ORC4: variants seen among roughly 807,000 people sequenced by gnomAD.
ORC4 encodes the protein origin recognition complex, subunit 4 homolog.
In ORC4, 55 loss-of-function variants were observed where a neutral mutation model predicts 63.9. The ratio of observed to expected loss-of-function variants is 0.86; its 90% CI spans 0.69 to 1.08. ORC4 has a LOEUF of 1.08. Ranked by LOEUF, ORC4 falls within the 50% of genes least tolerant of loss-of-function variation. The pLI is 0.00. For synonymous variants in ORC4, 150 were observed against 168.5 expected (o/e 0.89, Z 0.85); for missense variants, 511 against 504.4 (o/e 1.01, Z -0.13).
chr2:147,958,583 A>T, intron 5 of ORC4, 200 bp from the exon 6 acceptor site: 1 of 579,626 alleles, frequency 1.7e-6, no homozygotes, highest in Non-Finnish European at 3.0e-6. Flanking sequence ...AAAAAAAAAA[A>T]CCAAAAAACC....
chr2:147,989,581 C>T (rs1212385607), intron 1 of ORC4, among the ~76,000 whole-genome samples: 1 of 152,002 alleles, frequency 6.6e-6, no homozygotes, highest in African/African-American at 2.4e-5. Flanking sequence ...TGGCACGTGC[C>T]TGTAATCCCA....
chr2:147,965,629 T>C (rs1041327944), intron 4 of ORC4, among the ~76,000 whole-genome samples: 1 of 152,112 alleles, frequency 6.6e-6, no homozygotes, highest in Non-Finnish European at 1.5e-5. Flanking sequence ...AATAGGAACT[T>C]CAACACCCTA....
chr2:147,956,739 C>T (rs1300046961), intron 6 of ORC4, among the ~76,000 whole-genome samples: 2 of 151,998 alleles, frequency 1.3e-5, no homozygotes, highest in African/African-American at 2.4e-5. Flanking sequence ...TTTTTGGGTA[C>T]AACTTAAACT....
intron 4 of ORC4, among the ~76,000 whole-genome samples, chr2:147,966,289 T>A (rs1027613537): frequency 1.3e-5 from 2 of 151,660 alleles, no homozygotes; most frequent in African/African-American, 4.8e-5. Context: ...ATAAAGAATC[T>A]AACAATGCAA....
chr2:147,993,718 G>T (rs917651905), intron 1 of ORC4, among the ~76,000 whole-genome samples: 1 of 152,014 alleles, frequency 6.6e-6, no homozygotes, highest in African/African-American at 2.4e-5. Context: ...AAAATTAGGG[G>T]GTTGGGGGCT....
chr2:148,006,315 A>G lies in ORC4; in HGVS notation c.-18+14318T>C, dbSNP rs7597669. Among the ~76,000 whole-genome samples the G allele has an allele frequency of 3.4e-3, 515 of 151,584 alleles. 5 individuals are homozygous for G. The highest frequency in any genetic ancestry group is 6.5e-4 in the Non-Finnish European group (44 of 67,912). On this transcript the variant is annotated intron_variant, in intron 1 of 13. Coordinates refer to ENST00000392857, the MANE Select transcript of ORC4 (RefSeq NM_181741.4). Reference sequence around the variant, plus strand: ...TGGGCCAGAGAGAAATCCTCCCCCCAAGGAGAGTAATTGGTTTTCATCACA... The same window carrying G: ...TGGGCCAGAGAGAAATCCTCCCCCCGAGGAGAGTAATTGGTTTTCATCACA...
At chr2:147,970,904 G>C (rs924595159) in intron 4 of ORC4, among the ~76,000 whole-genome samples, 2 of 152,076 alleles carry the variant, frequency 1.3e-5, no homozygotes, top group Admixed American at 1.3e-4. Flanking sequence ...GAAAGCTAAG[G>C]CAGGATTGCT....
intron 1 of ORC4, among the ~76,000 whole-genome samples, chr2:148,010,848 CTTTTTTTTTTTTTT>C (rs201359357): frequency 1.0e-5 from 1 of 98,534 alleles, no homozygotes; most frequent in African/African-American, 3.7e-5. Context: ...CAGATTTATT[CTTTTTTTTTTTTTT>C]TTTTTTTTTG....
chr2:148,009,218 T>C (rs1692808471), intron 1 of ORC4, among the ~76,000 whole-genome samples: 1 of 150,802 alleles, frequency 6.6e-6, no homozygotes. Flanking sequence ...AAAATAATTA[T>C]CACAAAGGAA....
chr2:147,983,511 C>T (rs557424732), intron 1 of ORC4, among the ~76,000 whole-genome samples: 168 of 152,264 alleles, frequency 1.1e-3, no homozygotes, highest in African/African-American at 3.7e-3. Context: ...AACACAAACT[C>T]TCTAATTCAG....
At chr2:147,939,308 G>A in intron 10 of ORC4, 60 bp from the exon 11 acceptor site, 2 of 1,014,080 alleles carry the variant, frequency 2.0e-6, no homozygotes, top group Admixed American at 3.4e-5. Flanking sequence ...TGGAGATACT[G>A]TGCAAAACTT....
chr2:147,974,038 C>G (rs1690378382), intron 2 of ORC4, among the ~76,000 whole-genome samples: 1 of 152,058 alleles, frequency 6.6e-6, no homozygotes. Context: ...GCCCCATGAA[C>G]TGGAATAAAA....
chr2:148,013,782 C>G (rs1693108912), intron 1 of ORC4, among the ~76,000 whole-genome samples: 1 of 151,796 alleles, frequency 6.6e-6, no homozygotes, highest in Admixed American at 6.6e-5. Context: ...ATATTAAAAT[C>G]AAATCTCAGA....
chr2:148,001,705 C>G (rs1234167256), intron 1 of ORC4, among the ~76,000 whole-genome samples: 1 of 152,040 alleles, frequency 6.6e-6, no homozygotes, highest in African/African-American at 2.4e-5. Context: ...CATCAACTAA[C>G]GGGCAAAATA....
intron 6 of ORC4, among the ~76,000 whole-genome samples, chr2:147,957,407 G>A (rs1160659980): frequency 6.6e-6 from 1 of 151,850 alleles, no homozygotes; most frequent in Non-Finnish European, 1.5e-5. Flanking sequence ...ATGGTCACCA[G>A]TAACCAGAAA....
chr2:147,951,070 G>T (rs1688933717), intron 8 of ORC4, among the ~76,000 whole-genome samples: 1 of 151,724 alleles, frequency 6.6e-6, no homozygotes, highest in African/African-American at 2.4e-5. Context: ...TTATACTAAA[G>T]CCATGTATCA....
chr2:147,997,717 G>A (rs887877217), intron 1 of ORC4, among the ~76,000 whole-genome samples: 15 of 151,968 alleles, frequency 9.9e-5, no homozygotes, highest in Admixed American at 9.8e-4. Context: ...TTATTTCTGG[G>A]TGCAAAGGTT....
intron 9 of ORC4, among the ~76,000 whole-genome samples, chr2:147,945,969 AAACAC>A (rs1205943256): frequency 1.3e-5 from 2 of 152,116 alleles, no homozygotes; most frequent in Admixed American, 1.3e-4. Flanking sequence ...TCAGAGACAC[AAACAC>A]CAGTGATGCT....
chr2:147,944,521 C>T (rs1442317555), intron 9 of ORC4, among the ~76,000 whole-genome samples: 1 of 151,786 alleles, frequency 6.6e-6, no homozygotes, highest in Non-Finnish European at 1.5e-5. Flanking sequence ...GAGAAAGTAC[C>T]ATCTAAAGAG....
Sources: gnomAD v4.1 joint callset for allele counts (sites outside exome capture counted in the v4.1 genomes callset) on GRCh38, gnomAD v4.1.1 for gene constraint, MANE v1.5 for transcripts, NCBI Gene and HGNC (gene_info 2026-07-23, HGNC 2026-07-21) for gene names.